TWSG1: variants seen among roughly 807,000 people sequenced by gnomAD.
The protein encoded by TWSG1 is twisted gastrulation BMP signaling modulator 1.
In TWSG1, 15 loss-of-function variants were observed where a neutral mutation model predicts 23.0. The ratio of observed to expected loss-of-function variants is 0.65; its 90% CI spans 0.44 to 1.00. The LOEUF (loss-of-function observed/expected upper bound fraction) is 1.00, where lower values mean the gene tolerates loss of function less well. Among genes scored for constraint, TWSG1 ranks in the 50% least tolerant of loss-of-function variants. The pLI, the probability that TWSG1 is intolerant of heterozygous loss-of-function variation, is 0.00. For synonymous variants in TWSG1, 86 were observed against 92.8 expected (o/e 0.93, Z 0.42); for missense variants, 242 against 278.7 (o/e 0.87, Z 0.94).
Position 9,396,617 on chromosome 18 carries a change from A to G in TWSG1, c.490+71A>G, listed in dbSNP as rs537480043. ...TCTGTCCATGTAATCTATAAAACCTATATAAGACCATCTTTTGGAGCAGCC... is the reference window on the plus strand; with the variant it reads ...TCTGTCCATGTAATCTATAAAACCTGTATAAGACCATCTTTTGGAGCAGCC... On this transcript the variant is annotated intron_variant, in intron 4 of 4. Coordinates refer to ENST00000262120, the MANE Select transcript of TWSG1 (RefSeq NM_020648.6). 8.6e-6 allele frequency: 13 copies of G among 1,519,796 alleles called. No individual in the cohort carries two copies. The African/African-American group carries it at 1.5e-4, about 18-fold the overall frequency. The allele number at this position is 1,519,796 out of a possible 1,614,324, so 94.1% of individuals were successfully genotyped here.
At chr18:9,367,513 C>G (rs1247184003) in intron 3 of TWSG1, among the ~76,000 whole-genome samples, 2 of 152,090 alleles carry the variant, frequency 1.3e-5, no homozygotes, top group Non-Finnish European at 2.9e-5. Context: ...AAATCAGGGT[C>G]CCCAACCCCT....
intron 3 of TWSG1, among the ~76,000 whole-genome samples, chr18:9,390,403 C>T (rs1050169090): frequency 2.0e-5 from 3 of 152,116 alleles, no homozygotes; most frequent in Non-Finnish European, 2.9e-5. Flanking sequence ...TCTCATGATC[C>T]GCCCCCCTCG....
intron 3 of TWSG1, among the ~76,000 whole-genome samples, chr18:9,382,488 A>G (rs1175083998): frequency 6.6e-6 from 1 of 151,242 alleles, no homozygotes; most frequent in African/African-American, 2.4e-5. Flanking sequence ...GGGCCACTGC[A>G]CTCCAGCCTA....
chr18:9,384,886 T>C (rs1009372918), intron 3 of TWSG1, among the ~76,000 whole-genome samples: 2 of 152,198 alleles, frequency 1.3e-5, no homozygotes, highest in Admixed American at 1.3e-4. Flanking sequence ...TCTCAGGTGA[T>C]CCACCTGCCT....
At chr18:9,379,788 A>G (rs927531413) in intron 3 of TWSG1, among the ~76,000 whole-genome samples, 2 of 152,204 alleles carry the variant, frequency 1.3e-5, no homozygotes, top group Non-Finnish European at 2.9e-5. Context: ...ACTTGTTTGA[A>G]AAAAACTTCT....
At chr18:9,381,434 G>A (rs903355649) in intron 3 of TWSG1, among the ~76,000 whole-genome samples, 9 of 152,092 alleles carry the variant, frequency 5.9e-5, no homozygotes, top group Non-Finnish European at 1.2e-4. Flanking sequence ...TAATAGCCTT[G>A]TCCAATAATT....
chr18:9,365,363 A>G (rs1325270881), intron 3 of TWSG1, among the ~76,000 whole-genome samples: 1 of 152,108 alleles, frequency 6.6e-6, no homozygotes, highest in Non-Finnish European at 1.5e-5. Flanking sequence ...GTTGAATTCT[A>G]TGGGAAATGT....
chr18:9,355,810 C>T (rs1377651908), intron 2 of TWSG1, among the ~76,000 whole-genome samples: 1 of 152,104 alleles, frequency 6.6e-6, no homozygotes, highest in Non-Finnish European at 1.5e-5. Context: ...TTCAAAAGGT[C>T]GGTTTGAAGA....
At chr18:9,355,716 C>T (rs1236817795) in intron 2 of TWSG1, among the ~76,000 whole-genome samples, 4 of 152,132 alleles carry the variant, frequency 2.6e-5, no homozygotes, top group African/African-American at 9.7e-5. Context: ...TTAAATTTGC[C>T]TATTATATTT....
chr18:9,345,118 T>G (rs184107349), intron 2 of TWSG1, among the ~76,000 whole-genome samples: 1 of 152,202 alleles, frequency 6.6e-6, no homozygotes, highest in African/African-American at 2.4e-5. Flanking sequence ...GTAAGAATTC[T>G]TTATATATTC....
intron 3 of TWSG1, among the ~76,000 whole-genome samples, chr18:9,389,834 C>T (rs895013684): frequency 9.2e-5 from 14 of 152,292 alleles, no homozygotes; most frequent in African/African-American, 3.1e-4. Flanking sequence ...CCATACCCCA[C>T]GGAAATATTG....
intron 4 of TWSG1, 141 bp from the exon 5 acceptor site, chr18:9,399,205 T>C: frequency 2.3e-6 from 1 of 439,520 alleles, no homozygotes; most frequent in East Asian, 3.5e-5. Context: ...TCTTTTTTCC[T>C]GTACCTCATC....
intron 3 of TWSG1, among the ~76,000 whole-genome samples, chr18:9,374,017 A>G (rs1482205632): frequency 1.3e-5 from 2 of 152,236 alleles, no homozygotes; most frequent in Non-Finnish European, 2.9e-5. Context: ...AAAAATGAAA[A>G]CATCAAAATT....
chr18:9,360,088 G>A lies in TWSG1; in HGVS notation c.223+17G>A. 2 of 1,587,884 alleles carry A rather than the reference G, an allele frequency of 1.3e-6. No individual in the cohort carries two copies. Among genetic ancestry groups the A allele is most frequent in the African/African-American group, 2.7e-5 (2 of 74,488 alleles). ...ACTGTGTTGGTAAGTTGATACCAAGGGAGACTTCTTAATATTTCTTATCAC... is the reference window on the plus strand; with the variant it reads ...ACTGTGTTGGTAAGTTGATACCAAGAGAGACTTCTTAATATTTCTTATCAC... On this transcript the variant is annotated intron_variant, in intron 3 of 4. Transcript: ENST00000262120.
intron 2 of TWSG1, among the ~76,000 whole-genome samples, chr18:9,344,517 G>GTGTGTGTGTGGGTGTA (rs1555650744): frequency 9.5e-6 from 1 of 105,760 alleles, no homozygotes; most frequent in Non-Finnish European, 1.8e-5. Flanking sequence ...GTGTGTGTGT[G>GTGTGTGTGTGGGTGTA]TGTGTATGTA....
chr18:9,382,382 G>T (rs1376007102), intron 3 of TWSG1, among the ~76,000 whole-genome samples: 1 of 152,042 alleles, frequency 6.6e-6, no homozygotes, highest in Non-Finnish European at 1.5e-5. Flanking sequence ...AATTAGCTAG[G>T]TGTGGTGGCG....
At chr18:9,387,035 TAAC>T (rs1438844511) in intron 3 of TWSG1, among the ~76,000 whole-genome samples, 2 of 152,176 alleles carry the variant, frequency 1.3e-5, no homozygotes, top group African/African-American at 4.8e-5. Flanking sequence ...CCAAGAAAGA[TAAC>T]AACATGGGTT....
rs2040461637 is a variant in TWSG1, at chr18:9,344,056, A to G, written c.123+6704A>G. ...GCTAGCACTACAGGTGTGTGCCACCATACCTGGCTAATTAAAAAAATTTTT... is the reference window on the plus strand; with the variant it reads ...GCTAGCACTACAGGTGTGTGCCACCGTACCTGGCTAATTAAAAAAATTTTT... On this transcript the variant is annotated intron_variant, in intron 2 of 4. Transcript: ENST00000262120. Among the ~76,000 whole-genome samples, 9 of 152,158 alleles carry G rather than the reference A, an allele frequency of 5.9e-5. No individual in the cohort carries two copies. In the South Asian group the frequency reaches 1.9e-3, roughly 31 times the overall value.
At chr18:9,398,452 G>A (rs1034982602) in intron 4 of TWSG1, among the ~76,000 whole-genome samples, 1 of 151,702 alleles carries the variant, frequency 6.6e-6, no homozygotes, top group African/African-American at 2.4e-5. Flanking sequence ...GTTTTTGTTT[G>A]TTTGTTTGTT....
Sources: allele counts gnomAD v4.1 joint callset (sites outside exome capture counted in the v4.1 genomes callset), GRCh38; gene constraint gnomAD v4.1.1; transcripts MANE v1.5; gene names NCBI Gene and HGNC (gene_info 2026-07-23, HGNC 2026-07-21).